Variants in DUSP29 observed in about 807,000 individuals in gnomAD.
The protein encoded by DUSP29 is atypical dual-specific protein phosphatase.
A neutral mutation model predicts 13.5 loss-of-function variants in DUSP29; 12 were observed. The observed-to-expected ratio is 0.89, with a 90% confidence interval of 0.57 to 1.44. The LOEUF is 1.44. Ranked by LOEUF, DUSP29 falls within the 40% of genes most tolerant of loss-of-function variation. DUSP29 has a pLI of 0.00. For missense variants in DUSP29, 308 were observed against 301.1 expected (o/e 1.02, Z -0.17); for synonymous variants, 134 against 128.7 (o/e 1.04, Z -0.28).
At chr10:75,063,509 G>A (rs962299790) in intron 1 of DUSP29, among the ~76,000 whole-genome samples, 1 of 152,110 alleles carries the variant, frequency 6.6e-6, no homozygotes, top group Non-Finnish European at 1.5e-5. Flanking sequence ...TTAGAGGCAG[G>A]AGTTGGTGGA....
intron 1 of DUSP29, among the ~76,000 whole-genome samples, chr10:75,068,745 G>A (rs931948691): frequency 2.0e-5 from 3 of 152,094 alleles, no homozygotes; most frequent in African/African-American, 4.8e-5. Context: ...GGGGAGGGGC[G>A]GAATTTGGCA....
At chr10:75,053,833 G>A (rs1229164370) in intron 2 of DUSP29, among the ~76,000 whole-genome samples, 2 of 152,102 alleles carry the variant, frequency 1.3e-5, no homozygotes, top group South Asian at 2.1e-4. Context: ...CCAGTAAAGG[G>A]TTACTGGCTG....
chr10:75,070,152 G>A (rs1374460605), intron 1 of DUSP29, among the ~76,000 whole-genome samples: 1 of 151,022 alleles, frequency 6.6e-6, no homozygotes, highest in Admixed American at 6.6e-5. Context: ...AGAAAGAAAC[G>A]TTCTAGATAG....
intron 2 of DUSP29, among the ~76,000 whole-genome samples, chr10:75,048,753 C>T (rs552360369): frequency 2.0e-5 from 3 of 152,300 alleles, no homozygotes; most frequent in South Asian, 4.1e-4. Flanking sequence ...CATCTGATCT[C>T]GGTTAGTTCA....
intron 2 of DUSP29, among the ~76,000 whole-genome samples, chr10:75,057,279 GA>G (rs970520533): frequency 6.7e-6 from 1 of 148,840 alleles, no homozygotes; most frequent in Admixed American, 6.7e-5. Flanking sequence ...AGACTGTCTC[GA>G]AAAAAAAAGA....
intron 2 of DUSP29, among the ~76,000 whole-genome samples, chr10:75,054,371 C>CA (rs1846910559): frequency 6.6e-6 from 1 of 151,984 alleles, no homozygotes; most frequent in South Asian, 2.1e-4. Flanking sequence ...CTGATATGCC[C>CA]AACAATAAGG....
In DUSP29 at chr10:75,038,066, C is replaced by T. The variant is rs755132895; in HGVS notation, c.433G>A (p.Val145Ile). ...ALSDDHSKILVHCVMGRSRSA... is the reference protein window; with the variant it reads ...ALSDDHSKILIHCVMGRSRSA... ...CGGCTGCGGCCCATGACGCAGTGAA[C>T]CAGGATCTTACCTGCAGATGGAGCA... Residue 145 changes from valine (V) to isoleucine (I), a missense_variant, in exon 4 of 4, where the codon GTT (valine) becomes ATT (isoleucine). By Grantham distance (29) the Val-to-Ile change is conservative (BLOSUM62 3). Coordinates refer to ENST00000338487, the MANE Select transcript of DUSP29 (RefSeq NM_001003892.3). 7 of 1,612,866 alleles carry T rather than the reference C, an allele frequency of 4.3e-6. No homozygotes were observed. In the East Asian group the frequency reaches 1.6e-4, roughly 36 times the overall value.
chr10:75,056,149 G>A (rs1039392653), intron 2 of DUSP29, among the ~76,000 whole-genome samples: 2 of 152,142 alleles, frequency 1.3e-5, no homozygotes, highest in East Asian at 1.9e-4. Flanking sequence ...GCCCTCAAGC[G>A]ATCCTCCTGC....
chr10:75,071,668 C>T (rs1847330459), intron 1 of DUSP29, among the ~76,000 whole-genome samples: 1 of 152,224 alleles, frequency 6.6e-6, no homozygotes, highest in African/African-American at 2.4e-5. Context: ...AAGTGAGATC[C>T]TGATACCGGA....
intron 1 of DUSP29, among the ~76,000 whole-genome samples, chr10:75,073,112 G>T (rs76653029): frequency 3.8e-4 from 58 of 152,172 alleles, no homozygotes; most frequent in African/African-American, 1.4e-3. Context: ...CTGGGACACA[G>T]GGAGAATTCT....
chr10:75,043,715 GGGGCGGGGCCTAAGCTAC>G, intron 3 of DUSP29, 64 bp downstream of exon 3: 1 of 1,287,802 alleles, frequency 7.8e-7, no homozygotes, highest in Non-Finnish European at 1.1e-6. Context: ...GGGCGGGGAA[GGGGCGGGGCCTAAGCTAC>G]GGGCGGGGCG....
At chr10:75,068,963 C>A (rs1325231016) in intron 1 of DUSP29, among the ~76,000 whole-genome samples, 2 of 151,516 alleles carry the variant, frequency 1.3e-5, no homozygotes, top group Admixed American at 1.3e-4. Context: ...CCAAGTTTAA[C>A]AGATTTTTTT....
intron 2 of DUSP29, among the ~76,000 whole-genome samples, chr10:75,052,219 G>A (rs1048071009): frequency 2.0e-5 from 3 of 151,400 alleles, no homozygotes; most frequent in African/African-American, 7.3e-5. Context: ...TCCCTTGGCC[G>A]TCATTCACCC....
At chr10:75,040,611 C>T (rs1444548708) in intron 3 of DUSP29, among the ~76,000 whole-genome samples, 5 of 152,182 alleles carry the variant, frequency 3.3e-5, no homozygotes, top group Non-Finnish European at 7.3e-5. Context: ...ACCTCTTATA[C>T]AGCAAAGTCA....
chr10:75,046,654 G>A lies in DUSP29; in HGVS notation c.201-2637C>T, dbSNP rs1382310455. ...ATGGGGAGGTGGGGAGTCCCACTGA[G>A]CCCCCCTCCACTTGGCTCTTAGTGT... is the stretch of plus-strand genomic sequence containing the variant. On this transcript the variant is annotated intron_variant, in intron 2 of 3. Coordinates refer to ENST00000338487, the MANE Select transcript of DUSP29 (RefSeq NM_001003892.3). Among the ~76,000 whole-genome samples the A allele has an allele frequency of 5.9e-5, 9 of 152,224 alleles. No homozygotes were observed. The East Asian group carries it at 1.7e-3, about 29-fold the overall frequency.
chr10:75,050,399 G>A (rs2134289171), intron 2 of DUSP29, among the ~76,000 whole-genome samples: 1 of 152,328 alleles, frequency 6.6e-6, no homozygotes, highest in South Asian at 2.1e-4. Flanking sequence ...GCTCTCTGGA[G>A]GACAACACTT....
intron 3 of DUSP29, among the ~76,000 whole-genome samples, chr10:75,041,147 C>G (rs765066831): frequency 1.3e-5 from 2 of 152,170 alleles, no homozygotes; most frequent in Non-Finnish European, 2.9e-5. Flanking sequence ...AAATGCCAAG[C>G]AGTGTCCCTT....
intron 1 of DUSP29, among the ~76,000 whole-genome samples, chr10:75,059,905 T>TC (rs1847049954): frequency 6.6e-6 from 1 of 152,276 alleles, no homozygotes; most frequent in East Asian, 1.9e-4. Flanking sequence ...ATGCCTGTAA[T>TC]CCCAGCACTT....
intron 3 of DUSP29, among the ~76,000 whole-genome samples, chr10:75,043,114 G>A (rs1173616185): frequency 6.6e-6 from 1 of 152,268 alleles, no homozygotes; most frequent in Non-Finnish European, 1.5e-5. Context: ...AAACTTGGAC[G>A]CTGGGGGTGC....
Sources: gnomAD v4.1 joint callset for allele counts (sites outside exome capture counted in the v4.1 genomes callset) on GRCh38, gnomAD v4.1.1 for gene constraint, MANE v1.5 for transcripts, NCBI Gene and HGNC (gene_info 2026-07-23, HGNC 2026-07-21) for gene names.